Variants in CBX5 observed in about 807,000 individuals in gnomAD.
The protein encoded by CBX5 is chromobox 5, also known as chromobox protein homolog 5.
In CBX5, 7 loss-of-function variants were observed where a neutral mutation model predicts 20.7. That is an observed-to-expected ratio of 0.34 (90% CI 0.19 to 0.63). CBX5 has a LOEUF of 0.63. Among genes scored for constraint, CBX5 ranks in the 30% least tolerant of loss-of-function variants. CBX5 has a pLI of 0.75. For missense variants in CBX5, 110 were observed against 224.1 expected, an observed-to-expected ratio of 0.49 and a Z score of 3.25; for synonymous variants, 78 against 77.0, an observed-to-expected ratio of 1.01 and a Z score of -0.07.
At chr12:54,277,111 C>T (rs907179080) in intron 1 of CBX5, 1 of 152,210 alleles carries the variant, frequency 6.6e-6, no homozygotes, top group Non-Finnish European at 1.5e-5. Flanking sequence ...CGGCTCACTG[C>T]AAACTCTGCC....
chr12:54,249,306 G>A (rs762725637), intron 3 of CBX5, among the ~76,000 whole-genome samples: 3 of 151,564 alleles, frequency 2.0e-5, no homozygotes, highest in Non-Finnish European at 2.9e-5. Flanking sequence ...GGAGGCAGAG[G>A]TTGCAGTGAG....
chr12:54,246,735 C>T (rs1037889356), intron 3 of CBX5, among the ~76,000 whole-genome samples: 2 of 148,798 alleles, frequency 1.3e-5, no homozygotes, highest in Admixed American at 6.8e-5. Flanking sequence ...GAGCTGAGAC[C>T]GCACCACTGC....
rs1943580546 is a variant in CBX5, at chr12:54,232,681, T to G, written c.*9074A>C. ...CCACAAACTAGATTAATTCAATAAC[T>G]GAAGGGTATTAACTGAGGGCCTATT... On this transcript the variant is annotated 3_prime_UTR_variant, in exon 5 of 5. Coordinates refer to ENST00000209875, the MANE Select transcript of CBX5 (RefSeq NM_012117.3). 6.6e-6 allele frequency: 1 copy of G among 151,670 alleles called. No homozygotes were observed. The highest frequency in any genetic ancestry group is 6.6e-5 in the Admixed American group (1 of 15,174). The allele number at this position is 151,670 out of a possible 1,614,324, so 9.4% of individuals were successfully genotyped here. A position where few individuals can be genotyped will look rare whatever the true frequency, so the allele number is the denominator to read the frequency against.
At chr12:54,275,442 C>T (rs1354717814) in intron 1 of CBX5, among the ~76,000 whole-genome samples, 1 of 151,848 alleles carries the variant, frequency 6.6e-6, no homozygotes, top group African/African-American at 2.4e-5. Context: ...GGGGTTTCAC[C>T]GTGTTAGCCA....
chr12:54,258,159 C>T (rs1943881024), intron 1 of CBX5: 1 of 152,862 alleles, frequency 6.5e-6, no homozygotes, highest in African/African-American at 2.4e-5. Context: ...GCATCTTGCC[C>T]AGTCTCTTAG....
chr12:54,231,512 A>T lies in CBX5; in HGVS notation c.*10243T>A, dbSNP rs1445842525. The T allele has an allele frequency of 6.5e-6, 1 of 154,674 alleles. No homozygotes were observed. Among genetic ancestry groups the T allele is most frequent in the Admixed American group, 6.5e-5 (1 of 15,280 alleles). 9.6% of individuals were successfully genotyped at this position (154,674 alleles called of 1,614,324 possible). A position where few individuals can be genotyped will look rare whatever the true frequency, so the allele number is the denominator to read the frequency against. ...AGAGAACCAGAATGTGACCGCAAGGAGCCAGGACCTTGTGCTTTTTCATGG... is the reference window on the plus strand; with the variant it reads ...AGAGAACCAGAATGTGACCGCAAGGTGCCAGGACCTTGTGCTTTTTCATGG... On this transcript the variant is annotated 3_prime_UTR_variant, in exon 5 of 5. Transcript: ENST00000209875.
chr12:54,251,659 T>C (rs1409714138), intron 3 of CBX5, among the ~76,000 whole-genome samples: 1 of 152,160 alleles, frequency 6.6e-6, no homozygotes, highest in Non-Finnish European at 1.5e-5. Flanking sequence ...CACTCCAGCC[T>C]GGGCAACAGA....
intron 2 of CBX5, among the ~76,000 whole-genome samples, chr12:54,254,780 GAGA>G (rs1467687264): frequency 6.6e-6 from 1 of 151,838 alleles, no homozygotes; most frequent in Non-Finnish European, 1.5e-5. Flanking sequence ...TTGAACCCGG[GAGA>G]AGGAGGTTGC....
At chr12:54,242,419 G>A (rs552199264) in intron 4 of CBX5, among the ~76,000 whole-genome samples, 1 of 151,910 alleles carries the variant, frequency 6.6e-6, no homozygotes, top group Non-Finnish European at 1.5e-5. Context: ...CAGCTACTCG[G>A]GAGGCTGAGG....
chr12:54,255,558 C>CAAAAAAAAAAA (rs34624476), intron 2 of CBX5: 1 of 88,712 alleles, frequency 1.1e-5, no homozygotes, highest in Non-Finnish European at 2.3e-5. Flanking sequence ...GACTCTGTCT[C>CAAAAAAAAAAA]AAAAAAAAAA....
At chr12:54,279,795 T>C (rs1048847366) in intron 1 of CBX5, among the ~76,000 whole-genome samples, 4 of 152,148 alleles carry the variant, frequency 2.6e-5, no homozygotes, top group Admixed American at 6.5e-5. Flanking sequence ...AATTGGCCTA[T>C]ACACAAGCCA....
intron 1 of CBX5, chr12:54,277,010 T>C (rs538067488): frequency 1.3e-5 from 2 of 152,358 alleles, no homozygotes; most frequent in African/African-American, 4.8e-5. Context: ...ATCGTATGTG[T>C]AAGTTTAAGC....
Position 54,264,973 on chromosome 12 carries a change from A to T in CBX5, c.-42-7281T>A, listed in dbSNP as rs532185790. 3.9e-5 allele frequency among the ~76,000 whole-genome samples: 6 copies of T among 152,358 alleles called. No homozygotes were observed. In the South Asian group the frequency reaches 8.3e-4, roughly 21 times the overall value. On this transcript the variant is annotated intron_variant, in intron 1 of 4. Transcript: ENST00000209875. ...ATGAGCTCTCCATTGTAGAGTTTCA[A>T]CATAAATTCTATAAGCCCCCTAACT...
At chr12:54,252,418 A>G in intron 2 of CBX5, 191 bp from the exon 3 acceptor site, 2 of 475,410 alleles carry the variant, frequency 4.2e-6, no homozygotes, top group Non-Finnish European at 7.2e-6. Context: ...AGCCCACACA[A>G]AGACTTATTT....
intron 1 of CBX5, chr12:54,276,573 A>G (rs1414791839): frequency 2.0e-5 from 3 of 152,220 alleles, no homozygotes; most frequent in African/African-American, 7.2e-5. Flanking sequence ...CCATCTGTAC[A>G]AGTGGCTGGG....
rs985540236 is a variant in CBX5, at chr12:54,271,200, A to G, written c.-43+8808T>C. 2.0e-5 allele frequency among the ~76,000 whole-genome samples: 3 copies of G among 152,220 alleles called. No homozygotes were observed. In the East Asian group the frequency reaches 5.8e-4, roughly 29 times the overall value. ...TGCTTGTACTATTCTATAAATGTCA[A>G]TTATATCAGGTTGTTGGTAGTGTTG... is the stretch of plus-strand genomic sequence containing the variant. On this transcript the variant is annotated intron_variant, in intron 1 of 4. Transcript: ENST00000209875.
chr12:54,269,077 G>A (rs978619304), intron 1 of CBX5, among the ~76,000 whole-genome samples: 4 of 152,098 alleles, frequency 2.6e-5, no homozygotes, highest in Admixed American at 6.5e-5. Flanking sequence ...CAGCTAACAC[G>A]GTGAAAGCCT....
At chr12:54,250,030 C>G (rs868560323) in intron 3 of CBX5, among the ~76,000 whole-genome samples, 5 of 151,924 alleles carry the variant, frequency 3.3e-5, no homozygotes, top group Non-Finnish European at 4.4e-5. Flanking sequence ...CAAGACCACC[C>G]TGACCAACAT....
chr12:54,277,226 C>G (rs747473678), intron 1 of CBX5: 1 of 151,946 alleles, frequency 6.6e-6, no homozygotes, highest in Admixed American at 6.6e-5. Flanking sequence ...TGTTTTGAGA[C>G]GGACTCTTGC....
Sources: gnomAD v4.1 joint callset for allele counts (sites outside exome capture counted in the v4.1 genomes callset) on GRCh38, gnomAD v4.1.1 for gene constraint, MANE v1.5 for transcripts, NCBI Gene and HGNC (gene_info 2026-07-23, HGNC 2026-07-21) for gene names.